Variants in NFIX observed in about 807,000 individuals in gnomAD.
NFIX encodes nuclear factor 1 X-type.
NFIX carries 2 observed loss-of-function variants against 53.3 expected under a neutral mutation model. The observed-to-expected ratio is 0.04, with a 90% confidence interval of 0.02 to 0.12. NFIX has a LOEUF of 0.12. NFIX is among the 10% of genes least tolerant of loss of function. The pLI, the probability that NFIX is intolerant of heterozygous loss-of-function variation, is 1.00. For missense variants in NFIX, 310 were observed against 674.5 expected, an observed-to-expected ratio of 0.46 and a Z score of 5.99; for synonymous variants, 244 against 289.0, an observed-to-expected ratio of 0.84 and a Z score of 1.58.
rs145023305 is a variant in NFIX, at chr19:13,006,608, G to A, written c.27+10744G>A. Among the ~76,000 whole-genome samples the A allele has an allele frequency of 1.3e-3, 202 of 152,310 alleles. No homozygotes were observed. The highest frequency in any genetic ancestry group is 2.2e-3 in the Non-Finnish European group (153 of 68,018). On this transcript the variant is annotated intron_variant, in intron 1 of 10. Transcript: ENST00000592199. This position sits in a 1 kb window ranked among gnomAD's most constrained non-coding sequence, Gnocchi z 5.6. ...CCCCTCAATTTAGCTCCCCCGGGGC[G>A]GGCTGGGTTTATTTTTACCCCAGCC...
At chr19:13,024,175 T>TG (rs2013139583) in intron 1 of NFIX, 2 of 691,560 alleles carry the variant, frequency 2.9e-6, no homozygotes, top group African/African-American at 2.0e-5. Context: ...CCTGACTGAG[T>TG]GGGAAAAAGG....
In NFIX at chr19:13,022,828, G is replaced by A. The variant is rs2013018619; in HGVS notation, c.28-2193G>A. 6.7e-6 allele frequency among the ~76,000 whole-genome samples: 1 copy of A among 148,960 alleles called. No homozygotes were observed. The highest frequency in any genetic ancestry group is 2.1e-4 in the East Asian group (1 of 4,758). ...CCCCCAATGCCCCACCCCACCCCCA[G>A]ATTTGCTGGGTGGCTGCTGCCAAAT... On this transcript the variant is annotated intron_variant, in intron 1 of 10. Transcript: ENST00000592199. The surrounding 1 kb of genome is among the most constrained non-coding windows in gnomAD (Gnocchi z 4.5).
At chr19:13,033,607 G>A (rs1225675993) in intron 2 of NFIX, among the ~76,000 whole-genome samples, 1 of 152,222 alleles carries the variant, frequency 6.6e-6, no homozygotes, top group Non-Finnish European at 1.5e-5. Context: ...TGTCCCCTGT[G>A]GGCATGCCCT....
chr19:13,056,397 G>A (rs2015695163), intron 2 of NFIX, among the ~76,000 whole-genome samples: 1 of 152,204 alleles, frequency 6.6e-6, no homozygotes. Context: ...GCACTTATGA[G>A]GTGCTCACTG....
At chr19:12,999,652 CGCCCATTTTCCTG>C (rs2011605416) in intron 1 of NFIX, among the ~76,000 whole-genome samples, 1 of 152,250 alleles carries the variant, frequency 6.6e-6, no homozygotes, top group Non-Finnish European at 1.5e-5. Context: ...CAGCGACCTA[CGCCCATTTTCCTG>C]GCCATACAAG....
rs998452174 is a variant in NFIX, at chr19:13,052,006, A to G, written c.560-21041A>G. On this transcript the variant is annotated intron_variant, in intron 2 of 10. Transcript: ENST00000592199. This position sits in a 1 kb window ranked among gnomAD's most constrained non-coding sequence, Gnocchi z 5.2. ...CAGACCTCCCTCCTGCCGATTACCC[A>G]CTCCTCTGTGCCCCATTTCCCTTCT... 5.3e-5 allele frequency among the ~76,000 whole-genome samples: 8 copies of G among 150,268 alleles called. No homozygotes were observed. The highest frequency in any genetic ancestry group is 1.2e-4 in the Non-Finnish European group (8 of 67,516).
At position 13,040,253 on chromosome 19, in the gene NFIX, T is replaced by G. The variant is rs2014522729; in HGVS notation, c.559+14701T>G. On this transcript the variant is annotated intron_variant, in intron 2 of 10. Coordinates refer to ENST00000592199, the MANE Select transcript of NFIX (RefSeq NM_001365902.3). The surrounding 1 kb of genome is among the most constrained non-coding windows in gnomAD (Gnocchi z 4.2). ...TTGGTGGGCTCAGCCCACCCCACCC[T>G]CTCATAGGCCTTTTCTTGGTCTCCT... Among the ~76,000 whole-genome samples, 1 of 151,752 alleles carries G rather than the reference T, an allele frequency of 6.6e-6. No individual in the cohort carries two copies. Among genetic ancestry groups the G allele is most frequent in the Admixed American group, 6.6e-5 (1 of 15,240 alleles).
chr19:13,044,220 G>T (rs1174876633), intron 2 of NFIX, among the ~76,000 whole-genome samples: 1 of 152,190 alleles, frequency 6.6e-6, no homozygotes, highest in Non-Finnish European at 1.5e-5. Flanking sequence ...GACAGAGGGA[G>T]GCGACAGCAT....
Position 13,045,220 on chromosome 19 carries a change from ATGGATT to A in NFIX, c.559+19670_559+19675del, listed in dbSNP as rs1286066136. Among the ~76,000 whole-genome samples the A allele has an allele frequency of 6.6e-6, 1 of 152,174 alleles. No individual in the cohort carries two copies. The highest frequency in any genetic ancestry group is 1.5e-5 in the Non-Finnish European group (1 of 68,018). ...CTTCTGAGGGAGCTCCACAGCCACC[ATGGATT>A]TAGGTGGACAAACAGTGGTATCCTG... On this transcript the variant is annotated intron_variant, in intron 2 of 10. Transcript: ENST00000592199. This position sits in a 1 kb window ranked among gnomAD's most constrained non-coding sequence, Gnocchi z 4.4.
Position 13,094,413 on chromosome 19 carries a change from C to A in NFIX, c.1495-222C>A, listed in dbSNP as rs1178712618. On this transcript the variant is annotated intron_variant, in intron 10 of 10. Coordinates refer to ENST00000592199, the MANE Select transcript of NFIX (RefSeq NM_001365902.3). The surrounding 1 kb of genome is among the most constrained non-coding windows in gnomAD (Gnocchi z 4.3). The stretch of plus-strand genomic sequence containing the variant: ...CACGGGAAGGCCAGCTGGACTCTAG[C>A]ACTAGGGGCAGAGTCTCTGAGGGGG... 6.6e-6 allele frequency among the ~76,000 whole-genome samples: 1 copy of A among 152,206 alleles called. No homozygotes were observed. Among genetic ancestry groups the A allele is most frequent in the African/African-American group, 2.4e-5 (1 of 41,450 alleles).
chr19:13,056,469 C>G (rs2015700821), intron 2 of NFIX, among the ~76,000 whole-genome samples: 1 of 152,206 alleles, frequency 6.6e-6, no homozygotes, highest in African/African-American at 2.4e-5. Flanking sequence ...TGGGCCCACC[C>G]ACCCGGTGGT....
Position 13,025,501 on chromosome 19 carries a change from G to A in NFIX, c.508G>A (p.Val170Ile), listed in dbSNP as rs1325176998. The change falls in exon 2 of 11, where the codon GTC (valine) becomes ATC (isoleucine). Residue 170 changes from valine (V) to isoleucine (I), a missense_variant. Transcript: ENST00000592199. This position sits in a 1 kb window ranked among gnomAD's most constrained non-coding sequence, Gnocchi z 7.5. Reference sequence around the variant, plus strand: ...GTGCGTCCAGCCACATCACATTGGAGTCACAATCAAAGAACTGGATCTTTA... The same window carrying A: ...GTGCGTCCAGCCACATCACATTGGAATCACAATCAAAGAACTGGATCTTTA... ...GLCVQPHHIG[V>I]TIKELDLYLA... The A allele has an allele frequency of 2.5e-6, 4 of 1,613,878 alleles. No individual in the cohort carries two copies. In the African/African-American group the frequency reaches 4.0e-5, roughly 16 times the overall value.
intron 2 of NFIX, chr19:13,069,913 G>C (rs1425486034): frequency 6.6e-6 from 1 of 152,276 alleles, no homozygotes; most frequent in African/African-American, 2.4e-5. Context: ...TCCTAAAGGG[G>C]CCTTCCTCCT....
At chr19:13,059,220 C>T (rs2015901395) in intron 2 of NFIX, among the ~76,000 whole-genome samples, 1 of 152,208 alleles carries the variant, frequency 6.6e-6, no homozygotes, top group Non-Finnish European at 1.5e-5. Context: ...CCTCTTGCAG[C>T]CGTTTCAAGG....
In NFIX at chr19:12,996,742, C is replaced by T. The variant is rs1417065168; in HGVS notation, c.27+878C>T. ...GCAGCCGTGGACACAGCCGACAGTG[C>T]TGCGGCCACACCGTCGGGTCAGCCT... On this transcript the variant is annotated intron_variant, in intron 1 of 10. Transcript: ENST00000592199. This position sits in a 1 kb window ranked among gnomAD's most constrained non-coding sequence, Gnocchi z 5.2. Among the ~76,000 whole-genome samples, 2 of 152,250 alleles carry T rather than the reference C, an allele frequency of 1.3e-5. No homozygotes were observed. Among genetic ancestry groups the T allele is most frequent in the Non-Finnish European group, 2.9e-5 (2 of 68,034 alleles).
At chr19:13,018,575 A>G (rs1200145203) in intron 1 of NFIX, among the ~76,000 whole-genome samples, 1 of 152,218 alleles carries the variant, frequency 6.6e-6, no homozygotes, top group Non-Finnish European at 1.5e-5. Flanking sequence ...TCCGGTTTCC[A>G]TTCCTGGAGT....
chr19:13,079,942 G>A (rs1384231737), intron 7 of NFIX, among the ~76,000 whole-genome samples: 1 of 152,252 alleles, frequency 6.6e-6, no homozygotes, highest in Admixed American at 6.5e-5. Flanking sequence ...CCGCCTAGGT[G>A]GCGGTGGCTG....
chr19:13,053,444 A>C (rs2015449840), intron 2 of NFIX, among the ~76,000 whole-genome samples: 1 of 152,146 alleles, frequency 6.6e-6, no homozygotes, highest in Admixed American at 6.5e-5. Context: ...AGAGGGGGGA[A>C]GGGGAGAGGA....
intron 2 of NFIX, among the ~76,000 whole-genome samples, chr19:13,033,653 T>C (rs561743773): frequency 2.6e-5 from 4 of 152,386 alleles, no homozygotes; most frequent in African/African-American, 7.2e-5. Context: ...CATTTTTCCA[T>C]TGAAGGCCCT....
Sources: gnomAD v4.1 joint callset for allele counts (sites outside exome capture counted in the v4.1 genomes callset) on GRCh38, gnomAD v4.1.1 for gene constraint, Gnocchi (gnomAD v3.1) non-coding constraint, MANE v1.5 for transcripts, NCBI Gene and HGNC (gene_info 2026-07-23, HGNC 2026-07-21) for gene names.